The following PARP4 variants were observed in gnomAD, a reference collection of about 807,000 sequenced individuals.
The protein encoded by PARP4 is poly(ADP-ribose) polymerase family member 4, also known as protein mono-ADP-ribosyltransferase PARP4.
PARP4 carries 120 observed loss-of-function variants against 187.7 expected under a neutral mutation model. That is an observed-to-expected ratio of 0.64 (90% CI 0.55 to 0.74). The LOEUF (loss-of-function observed/expected upper bound fraction) is 0.74. PARP4 is among the 30% of genes least tolerant of loss of function. The pLI is 0.00. For synonymous variants in PARP4, 654 were observed against 740.9 expected, an observed-to-expected ratio of 0.88 and a Z score of 1.90; for missense variants, 1,836 against 2,070.5, an observed-to-expected ratio of 0.89 and a Z score of 2.20.
At chr13:24,440,419 T>TAAAAAAAAAAAAAAAAAAAAAAAAAAA (rs71070698) in intron 30 of PARP4, among the ~76,000 whole-genome samples, 1 of 126,222 alleles carries the variant, frequency 7.9e-6, no homozygotes, top group Non-Finnish European at 1.6e-5. Flanking sequence ...AAATTAAAAT[T>TAAAAAAAAAAAAAAAAAAAAAAAAAAA]AAAAAAAAAA....
intron 17 of PARP4, 151 bp downstream of exon 17, chr13:24,468,873 G>T (rs1350882223): frequency 1.4e-5 from 8 of 588,408 alleles, no homozygotes. Flanking sequence ...GGTCTGACTG[G>T]CGTGGCTTCC....
chr13:24,437,880 C>T (rs9511261), intron 30 of PARP4, among the ~76,000 whole-genome samples: 52,940 of 140,966 alleles, frequency 0.38, 10,586 homozygotes, highest in African/African-American at 0.44. Flanking sequence ...CTGAGAAATA[C>T]GGGTCATTTT....
At chr13:24,473,361 T>C (rs1459727698) in intron 15 of PARP4, among the ~76,000 whole-genome samples, 1 of 152,196 alleles carries the variant, frequency 6.6e-6, no homozygotes, top group African/African-American at 2.4e-5. Context: ...GCAATATACA[T>C]GTTTGTTACA....
At chr13:24,501,908 T>C in intron 2 of PARP4, 74 bp from the exon 3 acceptor site, 1 of 937,002 alleles carries the variant, frequency 1.1e-6, no homozygotes. Context: ...TATCTGTAAT[T>C]TTCACCCTTA....
chr13:24,507,459 G>A (rs182383754), intron 1 of PARP4, among the ~76,000 whole-genome samples: 19 of 152,258 alleles, frequency 1.2e-4, no homozygotes, highest in African/African-American at 4.1e-4. Flanking sequence ...GAGGTGCGAC[G>A]TCCCCAGCCT....
intron 25 of PARP4, 85 bp from the exon 26 acceptor site, chr13:24,447,271 A>T (rs1446039500): frequency 2.2e-6 from 2 of 911,632 alleles, no homozygotes; most frequent in Non-Finnish European, 3.0e-6. Flanking sequence ...TATACATTCT[A>T]TCCTTTGGGA....
intron 11 of PARP4, among the ~76,000 whole-genome samples, chr13:24,485,918 A>G (rs2137522869): frequency 6.6e-6 from 1 of 152,286 alleles, no homozygotes; most frequent in South Asian, 2.1e-4. Flanking sequence ...CCCTGGCCTC[A>G]AGTGATCCTT....
rs759713523 is a variant in PARP4, at chr13:24,434,567, C to A, written c.4574G>T (p.Ser1525Ile). ...VFAFQSSDTESDELSEVLQDS... is the reference protein window; with the variant it reads ...VFAFQSSDTEIDELSEVLQDS... ...TTGAAGTACTTCTGATAGCTCATCA[C>A]TTTCTGTGTCAGAACTTTGAAAAGC... The change falls in exon 31 of 34, where the codon AGT (serine) becomes ATT (isoleucine). Residue 1525 changes from serine to isoleucine, a missense_variant. By Grantham distance (142) the Ser-to-Ile change is moderately radical (BLOSUM62 -2). Transcript: ENST00000381989. 7.4e-6 allele frequency: 12 copies of A among 1,613,184 alleles called. No individual in the cohort carries two copies. In the African/African-American group the frequency reaches 9.3e-5, roughly 13 times the overall value.
intron 31 of PARP4, among the ~76,000 whole-genome samples, chr13:24,434,157 CTAA>C (rs1870481231): frequency 6.6e-6 from 1 of 152,182 alleles, no homozygotes; most frequent in South Asian, 2.1e-4. Context: ...AGGTTCTGGT[CTAA>C]TGTTTGTAGA....
chr13:24,497,088 G>A (rs987115311), intron 6 of PARP4, among the ~76,000 whole-genome samples: 15 of 152,174 alleles, frequency 9.9e-5, no homozygotes, highest in Non-Finnish European at 2.1e-4. Flanking sequence ...AGGCATCCTG[G>A]TGGGTGTTGC....
At chr13:24,428,901 G>A (rs899630411) in intron 32 of PARP4, among the ~76,000 whole-genome samples, 6 of 152,022 alleles carry the variant, frequency 3.9e-5, no homozygotes, top group African/African-American at 1.5e-4. Flanking sequence ...TTACAAAAAT[G>A]TTCAAATATT....
chr13:24,468,188 G>A lies in PARP4; in HGVS notation c.2133+836C>T, dbSNP rs114183389. On this transcript the variant is annotated intron_variant, in intron 17 of 33. Transcript: ENST00000381989. ...CAATCTAGCACCTGCCAGAGGCCTCGTGAAAACACCTGGTATTTAAGGAAA... is the reference window on the plus strand; with the variant it reads ...CAATCTAGCACCTGCCAGAGGCCTCATGAAAACACCTGGTATTTAAGGAAA... 5.0e-3 allele frequency among the ~76,000 whole-genome samples: 756 copies of A among 152,198 alleles called. 8 individuals carry two copies. The highest frequency in any genetic ancestry group is 0.017 in the African/African-American group (724 of 41,508).
At chr13:24,478,972 A>G (rs1437626390) in intron 12 of PARP4, among the ~76,000 whole-genome samples, 1 of 152,232 alleles carries the variant, frequency 6.6e-6, no homozygotes, top group Non-Finnish European at 1.5e-5. Flanking sequence ...TCAGAAAGGA[A>G]TAAGAACCGT....
At position 24,503,676 on chromosome 13, in the gene PARP4, C is replaced by T; in HGVS notation, c.101G>A (p.Gly34Asp). 6.2e-7 allele frequency: 1 copy of T among 1,613,378 alleles called. No individual in the cohort carries two copies. Among genetic ancestry groups the T allele is most frequent in the Non-Finnish European group, 8.5e-7 (1 of 1,179,934 alleles). ...ATTTAACGAAAAGGAAAACTTTCCG[C>T]CATTTTCCTTAATGTCAGTTTGTAG... ...KKLQTDIKEN[G>D]GKFSFSLNPQ... Residue 34 changes from glycine (G) to aspartate (D), a missense_variant, in exon 2 of 34, where the codon GGC (glycine) becomes GAC (aspartate). Physicochemically the swap from Gly to Asp is moderately conservative, Grantham distance 94. This residue lies in a region of PARP4 where 1,147 missense variants were observed against 1,214.2 expected (regional missense o/e 0.94). Transcript: ENST00000381989.
chr13:24,465,207 A>AACC (rs1352295617), intron 17 of PARP4, among the ~76,000 whole-genome samples: 2 of 152,192 alleles, frequency 1.3e-5, no homozygotes, highest in Non-Finnish European at 2.9e-5. Flanking sequence ...AAATTAGTTC[A>AACC]ACCATTGTGG....
At chr13:24,490,529 A>T in intron 10 of PARP4, 139 bp downstream of exon 10, 1 of 695,006 alleles carries the variant, frequency 1.4e-6, no homozygotes, top group Non-Finnish European at 2.4e-6. Flanking sequence ...AACAGAGAAG[A>T]AAGTAATGTG....
At chr13:24,434,367 C>G in intron 31 of PARP4, 28 bp downstream of exon 31, 1 of 1,513,512 alleles carries the variant, frequency 6.6e-7, no homozygotes. Context: ...CAGCCAACCA[C>G]AGATTTAAGG....
At chr13:24,457,757 T>A (rs1593611573) in intron 20 of PARP4, among the ~76,000 whole-genome samples, 1 of 84,716 alleles carries the variant, frequency 1.2e-5, no homozygotes, top group African/African-American at 5.2e-5. Flanking sequence ...GGAAACAGAG[T>A]AAGACTCTGT....
intron 22 of PARP4, among the ~76,000 whole-genome samples, chr13:24,454,771 C>T (rs181079930): frequency 5.7e-4 from 87 of 152,264 alleles, no homozygotes; most frequent in Non-Finnish European, 9.8e-4. Flanking sequence ...ATCCTCAGAT[C>T]GCAGATGAGG....
Sources: gnomAD v4.1 joint callset for allele counts (sites outside exome capture counted in the v4.1 genomes callset) on GRCh38, gnomAD v4.1.1 for gene constraint, gnomAD v4.1.1 regional missense constraint, MANE v1.5 for transcripts, NCBI Gene and HGNC (gene_info 2026-07-23, HGNC 2026-07-21) for gene names.